The following NPIPB11 variants were observed in gnomAD, a reference collection of about 807,000 sequenced individuals.
NPIPB11 encodes the protein nuclear pore complex interacting protein family member B11, also known as nuclear pore complex-interacting protein family member B11.
In NPIPB11, 17 loss-of-function variants were observed where a neutral mutation model predicts 32.8. The ratio of observed to expected loss-of-function variants is 0.52; its 90% CI spans 0.35 to 0.78. The LOEUF is 0.78. NPIPB11 is among the 30% of genes least tolerant of loss of function. The probability of loss-of-function intolerance (pLI) is 0.01; values close to 1 mark genes in which losing one functional copy is unlikely to be tolerated. For synonymous variants in NPIPB11, 209 were observed against 398.4 expected (o/e 0.52, Z 5.66); for missense variants, 537 against 1,000.4 (o/e 0.54, Z 6.25).
At chr16:29,399,901 A>G (rs1375298995) in intron 2 of NPIPB11, among the ~76,000 whole-genome samples, 2 of 151,284 alleles carry the variant, frequency 1.3e-5, no homozygotes, top group Non-Finnish European at 2.9e-5. Context: ...ACATGGTGAA[A>G]CCCCGTCTCT....
chr16:29,401,141 G>T (rs934817322), intron 2 of NPIPB11, among the ~76,000 whole-genome samples: 4 of 152,126 alleles, frequency 2.6e-5, no homozygotes, highest in African/African-American at 9.7e-5. Context: ...GTCAGTGTGG[G>T]AGCAATAGTT....
At chr16:29,406,420 T>C (rs1023510996), upstream of NPIPB11, among the ~76,000 whole-genome samples, 5 of 152,274 alleles carry the variant, frequency 3.3e-5, no homozygotes. Context: ...TATATTTGTA[T>C]AAACACGTCA....
intron 2 of NPIPB11, chr16:29,397,780 G>T: frequency 4.8e-6 from 1 of 208,688 alleles, no homozygotes; most frequent in South Asian, 3.7e-5. Flanking sequence ...GGGAAGGGAA[G>T]GGGAGGGGAA....
chr16:29,397,591 A>T lies in NPIPB11; in HGVS notation c.121-3515T>A, dbSNP rs1235392520. On this transcript the variant is annotated intron_variant, in intron 2 of 7. Transcript: ENST00000524087. The stretch of plus-strand genomic sequence containing the variant: ...ACACGGATGCACTGATGGCTGATAA[A>T]TTCCAGCAGGAGCCCAAAGAGGAGC... 9 of 1,511,038 alleles carry T rather than the reference A, an allele frequency of 6.0e-6. No homozygotes were observed. In the South Asian group the frequency reaches 9.6e-5, roughly 16 times the overall value. The allele number at this position is 1,511,038 out of a possible 1,614,324, so 93.6% of individuals were successfully genotyped here.
chr16:29,400,769 G>A (rs200288327), intron 2 of NPIPB11, among the ~76,000 whole-genome samples: 1 of 152,042 alleles, frequency 6.6e-6, no homozygotes, highest in African/African-American at 2.4e-5. Context: ...TTGGGCCTAG[G>A]CTGGGATGCT....
intron 2 of NPIPB11, among the ~76,000 whole-genome samples, chr16:29,400,067 A>G (rs3867584): frequency 0.057 from 8,693 of 151,816 alleles, 729 homozygotes; most frequent in East Asian, 0.37. Flanking sequence ...ACAGAATGGA[A>G]TGAGACTCTG....
chr16:29,400,240 G>T (rs1217387279), intron 2 of NPIPB11, among the ~76,000 whole-genome samples: 1 of 148,844 alleles, frequency 6.7e-6, no homozygotes, highest in Non-Finnish European at 1.5e-5. Context: ...CCCAAGCAGA[G>T]ACAGGGAAAG....
In NPIPB11 at chr16:29,389,577, G is replaced by A. The variant is rs557949883; in HGVS notation, c.545+364C>T. Among the ~76,000 whole-genome samples, 4 of 146,230 alleles carry A rather than the reference G, an allele frequency of 2.7e-5. No individual in the cohort carries two copies. In the East Asian group the frequency reaches 6.2e-4, roughly 23 times the overall value. On this transcript the variant is annotated intron_variant, in intron 5 of 7. Coordinates refer to ENST00000524087, the Ensembl canonical transcript of NPIPB11. ...TAATCCCAGCTACTTGGGAGGCTGA[G>A]GCAGGAGAATTGCTTGAACCCAAAA...
chr16:29,400,388 C>A (rs1169700801), intron 2 of NPIPB11, among the ~76,000 whole-genome samples: 4 of 151,480 alleles, frequency 2.6e-5, no homozygotes, highest in Non-Finnish European at 4.4e-5. Context: ...AGATTTGAGA[C>A]CAGCTATGTT....
intron 3 of NPIPB11, among the ~76,000 whole-genome samples, chr16:29,391,389 A>AT (rs1458660589): frequency 6.8e-6 from 1 of 147,956 alleles, no homozygotes; most frequent in Non-Finnish European, 1.5e-5. Flanking sequence ...TCACAACTTG[A>AT]AAAGGAAGTA....
intron 2 of NPIPB11, among the ~76,000 whole-genome samples, chr16:29,397,169 T>TA (rs561934286): frequency 0.51 from 70,612 of 138,432 alleles, 17,992 homozygotes; most frequent in Middle Eastern, 0.64. Context: ...AGACTCTGTC[T>TA]AAAAAAAAAA....
chr16:29,401,682 C>T (rs572227845), intron 2 of NPIPB11, among the ~76,000 whole-genome samples: 40 of 152,202 alleles, frequency 2.6e-4, no homozygotes, highest in Admixed American at 5.9e-4. Context: ...TTTGCTTTGA[C>T]CCAAGAGATG....
exon 5 of NPIPB11, chr16:29,389,955 C>G (rs894719198): frequency 1.3e-6 from 2 of 1,591,660 alleles, no homozygotes; most frequent in Admixed American, 1.7e-5. Context: ...TTCTGGCGGT[C>G]TTCCTCTTTC....
In NPIPB11 at chr16:29,401,948, C is replaced by G. The variant is rs1355415655; in HGVS notation, c.120+1735G>C. On this transcript the variant is annotated intron_variant, in intron 2 of 7. Transcript: ENST00000524087. ...GTTTCTTACCTACAGTGATACCTAG[C>G]CCATCCTAGCAGGCATGCACCATCT... Among the ~76,000 whole-genome samples, 8 of 151,204 alleles carry G rather than the reference C, an allele frequency of 5.3e-5. No homozygotes were observed. In the South Asian group the frequency reaches 1.7e-3, roughly 32 times the overall value.
At chr16:29,389,808 A>G in intron 5 of NPIPB11, 133 bp downstream of exon 5, 5 of 1,442,538 alleles carry the variant, frequency 3.5e-6, no homozygotes, top group Non-Finnish European at 3.7e-6. Context: ...ATGAAGCAGA[A>G]AGGACAAACT....
chr16:29,401,331 G>A (rs1402152698), intron 2 of NPIPB11, among the ~76,000 whole-genome samples: 1 of 152,024 alleles, frequency 6.6e-6, no homozygotes, highest in Non-Finnish European at 1.5e-5. Flanking sequence ...CTATCATCTG[G>A]GGTAACTGAG....
intron 2 of NPIPB11, among the ~76,000 whole-genome samples, chr16:29,397,880 G>A (rs1039784666): frequency 5.4e-5 from 4 of 73,862 alleles, no homozygotes; most frequent in Admixed American, 4.9e-4. Flanking sequence ...AAAGGATCCG[G>A]TTCAAATTAA....
At chr16:29,395,996 A>G (rs1289324909) in intron 2 of NPIPB11, among the ~76,000 whole-genome samples, 1 of 150,446 alleles carries the variant, frequency 6.6e-6, no homozygotes, top group African/African-American at 2.4e-5. Flanking sequence ...AAAAAAAATT[A>G]CCAAGGTGGA....
chr16:29,396,238 G>T lies in NPIPB11; in HGVS notation c.121-2162C>A, dbSNP rs1363669654. On this transcript the variant is annotated intron_variant, in intron 2 of 7. Transcript: ENST00000524087. ...AAACAGAGATAGCCCTTCAACAGGTGGAACTCAGCATATGCTGAGTCTGAA... is the reference window on the plus strand; with the variant it reads ...AAACAGAGATAGCCCTTCAACAGGTTGAACTCAGCATATGCTGAGTCTGAA... Among the ~76,000 whole-genome samples, 663 of 146,532 alleles carry T rather than the reference G, an allele frequency of 4.5e-3. 4 individuals are homozygous for T. The highest frequency in any genetic ancestry group is 5.6e-3 in the Non-Finnish European group (360 of 64,334).
Sources: gnomAD v4.1 joint callset for allele counts (sites outside exome capture counted in the v4.1 genomes callset) on GRCh38, gnomAD v4.1.1 for gene constraint, MANE v1.5 for transcripts, NCBI Gene and HGNC (gene_info 2026-07-23, HGNC 2026-07-21) for gene names.